The following CIBAR2 variants were observed in gnomAD, a reference collection of about 807,000 sequenced individuals.
CIBAR2 encodes CBY1 interacting BAR domain containing 2, also known as CBY1-interacting BAR domain-containing protein 2.
CIBAR2 carries 38 observed loss-of-function variants against 36.2 expected under a neutral mutation model. That is an observed-to-expected ratio of 1.05 (90% CI 0.81 to 1.38). The LOEUF (loss-of-function observed/expected upper bound fraction) is 1.38, where lower values mean the gene tolerates loss of function less well. Ranked by LOEUF, CIBAR2 falls within the 40% of genes most tolerant of loss-of-function variation. The pLI is 0.00. For synonymous variants in CIBAR2, 182 were observed against 149.5 expected, an observed-to-expected ratio of 1.22 and a Z score of -1.58; for missense variants, 481 against 383.4, an observed-to-expected ratio of 1.25 and a Z score of -2.13.
At chr16:85,110,780 C>G (rs2074036722) in intron 1 of CIBAR2, among the ~76,000 whole-genome samples, 3 of 140,632 alleles carry the variant, frequency 2.1e-5, no homozygotes, top group South Asian at 2.4e-4. Flanking sequence ...TCTTGGCTTA[C>G]TGCAACCTCT....
At chr16:85,108,576 T>G (rs1409478996) in intron 2 of CIBAR2, among the ~76,000 whole-genome samples, 1 of 152,140 alleles carries the variant, frequency 6.6e-6, no homozygotes, top group East Asian at 1.9e-4. Context: ...AAGACTTTAT[T>G]GAGAGTCACA....
chr16:85,111,605 G>T (rs963397737), intron 1 of CIBAR2, among the ~76,000 whole-genome samples: 3 of 152,220 alleles, frequency 2.0e-5, no homozygotes, highest in African/African-American at 4.8e-5. Context: ...CAGCTCTTTG[G>T]GGGGCCGAGG....
chr16:85,102,460 G>A lies in CIBAR2; in HGVS notation c.538-133C>T, dbSNP rs75760369. On this transcript the variant is annotated intron_variant, in intron 6 of 8. Transcript: ENST00000539556. ...GGACAGGCCCCAGGTGGGGAGTTTC[G>A]ACATGTTATTTTAAACTTATTTTTC... 1,452 of 628,268 alleles carry A rather than the reference G, an allele frequency of 2.3e-3. 5 individuals are homozygous for A. The highest frequency in any genetic ancestry group is 3.5e-3 in the Non-Finnish European group (1,245 of 351,406). The allele number at this position is 628,268 out of a possible 1,614,324, so 38.9% of individuals were successfully genotyped here.
intron 5 of CIBAR2, among the ~76,000 whole-genome samples, chr16:85,107,167 A>G (rs1157319265): frequency 6.6e-6 from 1 of 151,404 alleles, no homozygotes; most frequent in Non-Finnish European, 1.5e-5. Context: ...GGGGGGGGGC[A>G]CTCTTTGGAT....
At chr16:85,104,286 G>C (rs1014341493) in intron 6 of CIBAR2, among the ~76,000 whole-genome samples, 9 of 152,242 alleles carry the variant, frequency 5.9e-5, no homozygotes, top group Non-Finnish European at 8.8e-5. Flanking sequence ...AGTGCCGCAG[G>C]CAGGATGAGG....
intron 4 of CIBAR2, 70 bp downstream of exon 4, chr16:85,107,776 C>G: frequency 1.3e-6 from 2 of 1,586,276 alleles, no homozygotes; most frequent in South Asian, 1.1e-5. Flanking sequence ...CAAAGAAAAC[C>G]TCAGAAGACA....
At chr16:85,105,885 G>T (rs2073992286) in intron 5 of CIBAR2, among the ~76,000 whole-genome samples, 1 of 152,196 alleles carries the variant, frequency 6.6e-6, no homozygotes, top group South Asian at 2.1e-4. Context: ...TCCATGCCAA[G>T]CCCAGACATG....
At chr16:85,101,697 T>C (rs1446072243) in intron 7 of CIBAR2, among the ~76,000 whole-genome samples, 1 of 150,322 alleles carries the variant, frequency 6.7e-6, no homozygotes, top group East Asian at 2.0e-4. Context: ...TTTGATGGAG[T>C]CTCGCTCTGT....
intron 7 of CIBAR2, among the ~76,000 whole-genome samples, chr16:85,100,934 C>G (rs1328169221): frequency 6.6e-6 from 1 of 152,122 alleles, no homozygotes; most frequent in Non-Finnish European, 1.5e-5. Context: ...GTAGTCCCAG[C>G]TACTCGGGAG....
Position 85,098,616 on chromosome 16 carries a change from C to T in CIBAR2, c.*569G>A, listed in dbSNP as rs2073929220. 3.0e-6 allele frequency: 3 copies of T among 985,822 alleles called. No homozygotes were observed. Among genetic ancestry groups the T allele is most frequent in the Non-Finnish European group, 3.6e-6 (3 of 829,872 alleles). 61.1% of individuals were successfully genotyped at this position (985,822 alleles called of 1,614,324 possible). On this transcript the variant is annotated 3_prime_UTR_variant, in exon 9 of 9. Transcript: ENST00000539556. ...CCCTGAGGTCCTCCACGGGGGCCTC[C>T]TCCATGGAGTTGTCCTCACTCTCCT... is the stretch of plus-strand genomic sequence containing the variant.
chr16:85,110,136 A>G, intron 2 of CIBAR2, 90 bp downstream of exon 2: 1 of 982,614 alleles, frequency 1.0e-6, no homozygotes. Context: ...GGCTGTGGCC[A>G]CAGCAGGGCT....
At chr16:85,106,237 C>G (rs571749853) in intron 5 of CIBAR2, among the ~76,000 whole-genome samples, 4 of 152,150 alleles carry the variant, frequency 2.6e-5, no homozygotes, top group African/African-American at 4.8e-5. Context: ...ACGCTCAGCA[C>G]TAGTGTCCGG....
intron 6 of CIBAR2, among the ~76,000 whole-genome samples, chr16:85,104,503 T>A (rs2073980130): frequency 6.6e-6 from 1 of 152,112 alleles, no homozygotes; most frequent in Non-Finnish European, 1.5e-5. Context: ...AGGTCAGGCG[T>A]TCGAGACCAG....
chr16:85,099,348 T>C lies in CIBAR2; in HGVS notation c.754-2A>G. 2.0e-6 allele frequency: 3 copies of C among 1,508,538 alleles called. No individual in the cohort carries two copies. Among genetic ancestry groups the C allele is most frequent in the Non-Finnish European group, 2.8e-6 (3 of 1,083,816 alleles). The allele number at this position is 1,508,538 out of a possible 1,614,324, so 93.4% of individuals were successfully genotyped here. ...ACTCAGCTGGACCTGCAGAGTTCCC[T>C]GCAGAAATATAAATGCACCTGATGG... On this transcript the variant is annotated splice_acceptor_variant, in intron 8 of 8. Transcript: ENST00000539556. LOFTEE classifies it high-confidence loss of function.
At chr16:85,105,949 C>G (rs1462143565) in intron 5 of CIBAR2, among the ~76,000 whole-genome samples, 1 of 152,230 alleles carries the variant, frequency 6.6e-6, no homozygotes, top group African/African-American at 2.4e-5. Flanking sequence ...AAATTTGCCA[C>G]TTAACTGCCT....
intron 5 of CIBAR2, among the ~76,000 whole-genome samples, chr16:85,107,221 G>C (rs1162802596): frequency 6.6e-6 from 1 of 152,082 alleles, no homozygotes; most frequent in Non-Finnish European, 1.5e-5. Context: ...ATACAGCAGC[G>C]GTGACTAGCC....
At chr16:85,108,648 A>G (rs1420318157) in intron 2 of CIBAR2, among the ~76,000 whole-genome samples, 3 of 151,768 alleles carry the variant, frequency 2.0e-5, no homozygotes, top group Non-Finnish European at 2.9e-5. Context: ...CGAGGCGGGC[A>G]GATCACCTGA....
intron 2 of CIBAR2, 37 bp from the exon 3 acceptor site, chr16:85,108,136 G>C (rs1036233275): frequency 6.4e-7 from 1 of 1,565,568 alleles, no homozygotes; most frequent in Non-Finnish European, 8.7e-7. Context: ...CTGAGCGCAG[G>C]GTGCTGCCTG....
chr16:85,100,297 G>T, intron 7 of CIBAR2, 57 bp from the exon 8 acceptor site: 5 of 1,180,212 alleles, frequency 4.2e-6, no homozygotes, highest in Non-Finnish European at 4.9e-6. Context: ...GCGTGGGTTG[G>T]GGGAGTGGGA....
Sources: allele counts gnomAD v4.1 joint callset (sites outside exome capture counted in the v4.1 genomes callset), GRCh38; gene constraint gnomAD v4.1.1; transcripts MANE v1.5; gene names NCBI Gene and HGNC (gene_info 2026-07-23, HGNC 2026-07-21).